The following NEK11 variants were observed in gnomAD, a reference collection of about 807,000 sequenced individuals.
The protein encoded by NEK11 is serine/threonine-protein kinase Nek11.
Under a neutral mutation model 80.7 loss-of-function variants are expected in NEK11, and 72 were observed. That is an observed-to-expected ratio of 0.89 (90% CI 0.74 to 1.08). NEK11 has a LOEUF of 1.08. Among genes scored for constraint, NEK11 ranks in the 50% least tolerant of loss-of-function variants. The pLI, the probability that NEK11 is intolerant of heterozygous loss-of-function variation, is 0.00. For synonymous variants in NEK11, 251 were observed against 260.7 expected, an observed-to-expected ratio of 0.96 and a Z score of 0.36; for missense variants, 764 against 763.6, an observed-to-expected ratio of 1.00 and a Z score of -0.01.
chr3:131,060,298 AC>A (rs1423988911), intron 3 of NEK11, among the ~76,000 whole-genome samples: 1 of 152,222 alleles, frequency 6.6e-6, no homozygotes, highest in African/African-American at 2.4e-5. Flanking sequence ...GGAGTTTTAA[AC>A]ATAAAGGTAT....
intron 5 of NEK11, among the ~76,000 whole-genome samples, chr3:131,116,364 C>A (rs991279014): frequency 4.6e-5 from 7 of 152,284 alleles, no homozygotes; most frequent in Admixed American, 3.9e-4. Context: ...TTTTCTTAAT[C>A]CAGTCTATCA....
chr3:131,027,554 A>G (rs2064064851), intron 1 of NEK11: 2 of 152,162 alleles, frequency 1.3e-5, no homozygotes, highest in South Asian at 4.2e-4. Context: ...AGTATATGCC[A>G]GGAGGTATGC....
At chr3:131,283,865 A>T (rs1015934075) in intron 17 of NEK11, among the ~76,000 whole-genome samples, 11 of 152,192 alleles carry the variant, frequency 7.2e-5, no homozygotes, top group African/African-American at 2.7e-4. Context: ...CCTTACCCAA[A>T]GAGTAGTGGT....
chr3:131,126,963 T>C (rs2718863), intron 5 of NEK11, among the ~76,000 whole-genome samples: 839 of 28,482 alleles, frequency 0.029, no homozygotes, highest in Middle Eastern at 0.14. Context: ...TTCTTTCTTT[T>C]TTTTTTTTTT....
chr3:131,235,210 G>A (rs2095410496), intron 15 of NEK11, among the ~76,000 whole-genome samples: 1 of 152,066 alleles, frequency 6.6e-6, no homozygotes, highest in South Asian at 2.1e-4. Flanking sequence ...GGAACTTTGG[G>A]GTGAGAGTGG....
intron 3 of NEK11, among the ~76,000 whole-genome samples, chr3:131,064,018 T>C (rs1261416628): frequency 1.3e-5 from 2 of 152,204 alleles, no homozygotes; most frequent in Non-Finnish European, 2.9e-5. Flanking sequence ...GAAATACTGA[T>C]ACATGCTACA....
intron 3 of NEK11, among the ~76,000 whole-genome samples, chr3:131,048,666 G>C (rs935153040): frequency 1.3e-5 from 2 of 152,108 alleles, no homozygotes; most frequent in African/African-American, 4.8e-5. Flanking sequence ...GCAGCAATCC[G>C]CTTCCTTCAA....
Position 131,134,681 on chromosome 3 carries a change from G to C in NEK11, c.647+725G>C, listed in dbSNP as rs2085202224. Among the ~76,000 whole-genome samples the C allele has an allele frequency of 2.0e-5, 3 of 152,144 alleles. No homozygotes were observed. The South Asian group carries it at 6.2e-4, about 32-fold the overall frequency. The stretch of plus-strand genomic sequence containing the variant: ...CCCAAAGTGCTGGGATTACAGGTGT[G>C]AGCCACCGCGCCCAGACTAGGATAA... On this transcript the variant is annotated intron_variant, in intron 7 of 17. Coordinates refer to ENST00000383366, the MANE Select transcript of NEK11 (RefSeq NM_024800.5).
intron 5 of NEK11, among the ~76,000 whole-genome samples, chr3:131,117,187 T>G (rs537271785): frequency 2.0e-5 from 3 of 152,362 alleles, no homozygotes; most frequent in African/African-American, 7.2e-5. Flanking sequence ...TTCAGCTTTC[T>G]ACTTATGGCT....
rs1490345106 is a variant in NEK11, at chr3:131,217,613, A to T, written c.1400-10915A>T. ...GTACATTTATGCTAAGTTTCGGGTG[A>T]ATTTGGCGTCTTACAGAGCACATGA... is the stretch of plus-strand genomic sequence containing the variant. On this transcript the variant is annotated intron_variant, in intron 14 of 17. Transcript: ENST00000383366. Among the ~76,000 whole-genome samples, 6 of 152,264 alleles carry T rather than the reference A, an allele frequency of 3.9e-5. No homozygotes were observed. In the East Asian group the frequency reaches 1.2e-3, roughly 29 times the overall value.
At chr3:131,135,929 G>A (rs1055170216) in intron 7 of NEK11, among the ~76,000 whole-genome samples, 1 of 151,936 alleles carries the variant, frequency 6.6e-6, no homozygotes, top group African/African-American at 2.4e-5. Context: ...GGAAAGGAAA[G>A]CATAGAGTAT....
chr3:131,222,635 T>C (rs1343786834), intron 14 of NEK11, among the ~76,000 whole-genome samples: 1 of 152,230 alleles, frequency 6.6e-6, no homozygotes, highest in East Asian at 1.9e-4. Flanking sequence ...GTAGAAATAG[T>C]ATAAAATCTT....
At chr3:131,065,172 C>T (rs992054039) in intron 3 of NEK11, among the ~76,000 whole-genome samples, 4 of 152,188 alleles carry the variant, frequency 2.6e-5, no homozygotes, top group African/African-American at 9.7e-5. Context: ...AGACCTCCTG[C>T]ATTTATATCT....
chr3:131,283,566 A>G (rs942987303), intron 17 of NEK11, among the ~76,000 whole-genome samples: 8 of 150,896 alleles, frequency 5.3e-5, no homozygotes, highest in Admixed American at 3.3e-4. Context: ...AGAATGTACT[A>G]TTTTACTATT....
At chr3:131,164,509 C>T (rs904475435) in intron 11 of NEK11, among the ~76,000 whole-genome samples, 3 of 152,028 alleles carry the variant, frequency 2.0e-5, no homozygotes, top group East Asian at 1.9e-4. Flanking sequence ...TGCCATGATT[C>T]GTGTCATTGG....
intron 17 of NEK11, among the ~76,000 whole-genome samples, chr3:131,304,121 T>C (rs1449202962): frequency 6.6e-6 from 1 of 152,232 alleles, no homozygotes; most frequent in Non-Finnish European, 1.5e-5. Context: ...TTATCCTTTT[T>C]TCTTTATTTT....
intron 16 of NEK11, among the ~76,000 whole-genome samples, chr3:131,265,135 A>G (rs369602036): frequency 6.6e-6 from 1 of 152,144 alleles, no homozygotes; most frequent in African/African-American, 2.4e-5. Flanking sequence ...GGGGTTTTCT[A>G]AATATAGACT....
intron 7 of NEK11, among the ~76,000 whole-genome samples, chr3:131,136,323 T>G (rs1399487425): frequency 6.6e-6 from 1 of 152,280 alleles, no homozygotes; most frequent in East Asian, 1.9e-4. Flanking sequence ...GAACTATTAA[T>G]TATAGTGTCA....
At chr3:131,326,977 C>T (rs1283439339) in intron 17 of NEK11, among the ~76,000 whole-genome samples, 1 of 152,158 alleles carries the variant, frequency 6.6e-6, no homozygotes, top group Non-Finnish European at 1.5e-5. Flanking sequence ...AAGCTTTCTT[C>T]CCCTCCAGAG....
Sources: gnomAD v4.1 joint callset for allele counts (sites outside exome capture counted in the v4.1 genomes callset) on GRCh38, gnomAD v4.1.1 for gene constraint, MANE v1.5 for transcripts, NCBI Gene and HGNC (gene_info 2026-07-23, HGNC 2026-07-21) for gene names.